The following TNFSF13B variants were observed in gnomAD, a reference collection of about 807,000 sequenced individuals.
The protein encoded by TNFSF13B is TNF superfamily member 13b, also known as tumor necrosis factor ligand superfamily member 13B.
TNFSF13B carries 8 observed loss-of-function variants against 29.1 expected under a neutral mutation model. The ratio of observed to expected loss-of-function variants is 0.27; its 90% CI spans 0.16 to 0.50. TNFSF13B has a LOEUF of 0.50. Ranked by LOEUF, TNFSF13B falls within the 20% of genes least tolerant of loss-of-function variation. The probability of loss-of-function intolerance (pLI) is 0.98; values close to 1 mark genes in which losing one functional copy is unlikely to be tolerated. For missense variants in TNFSF13B, 248 were observed against 334.9 expected (o/e 0.74, Z 2.03); for synonymous variants, 125 against 130.8 (o/e 0.96, Z 0.30).
At chr13:108,293,423 C>T (rs1881381871) in intron 3 of TNFSF13B, among the ~76,000 whole-genome samples, 1 of 152,086 alleles carries the variant, frequency 6.6e-6, no homozygotes, top group Admixed American at 6.6e-5. Context: ...TTTGCAATAA[C>T]AAATGAATTG....
intron 2 of TNFSF13B, among the ~76,000 whole-genome samples, chr13:108,279,925 C>T (rs1481263334): frequency 6.6e-6 from 1 of 152,056 alleles, no homozygotes; most frequent in Non-Finnish European, 1.5e-5. Flanking sequence ...TGTCACCTCC[C>T]AGAGAAGCCT....
At chr13:108,290,071 C>G (rs913230235) in intron 3 of TNFSF13B, among the ~76,000 whole-genome samples, 6 of 152,220 alleles carry the variant, frequency 3.9e-5, no homozygotes, top group Non-Finnish European at 8.8e-5. Context: ...TTAACACAAA[C>G]AAATGCAAAT....
chr13:108,298,131 A>G lies in TNFSF13B; in HGVS notation c.482-5122A>G, dbSNP rs1881506384. 1.4e-5 allele frequency among the ~76,000 whole-genome samples: 2 copies of G among 145,342 alleles called. 1 individual carries two copies. Among genetic ancestry groups the G allele is most frequent in the Admixed American group, 1.4e-4 (2 of 14,706 alleles). On this transcript the variant is annotated intron_variant, in intron 3 of 5. Transcript: ENST00000375887. ...TAGCAATTTAAGTTTCCTTCATGAT[A>G]TATCAGTGTAGGTTTATCAATTGTA... is the stretch of plus-strand genomic sequence containing the variant.
Position 108,307,549 on chromosome 13 carries a change from T to C in TNFSF13B, c.*611T>C, listed in dbSNP as rs903880416. 1 of 152,086 alleles carries C rather than the reference T, an allele frequency of 6.6e-6. No homozygotes were observed. Among genetic ancestry groups the C allele is most frequent in the East Asian group, 1.9e-4 (1 of 5,188 alleles). The allele number at this position is 152,086 out of a possible 1,614,324, so 9.4% of individuals were successfully genotyped here. A position where few individuals can be genotyped will look rare whatever the true frequency, so the allele number is the denominator to read the frequency against. On this transcript the variant is annotated 3_prime_UTR_variant, in exon 6 of 6. Coordinates refer to ENST00000375887, the MANE Select transcript of TNFSF13B (RefSeq NM_006573.5). ...ATATACTATTTAAGTCTTTTATGGT[T>C]ATTTCAAGTATACAATTTCTATCTG...
Position 108,270,099 on chromosome 13 carries a change from G to C in TNFSF13B, c.204G>C (p.Gln68His). The change falls in exon 1 of 6, where the codon CAG becomes CAC. Residue 68 changes from glutamine to histidine, a missense_variant. Gln to His is a conservative substitution (Grantham distance 24, BLOSUM62 0). Transcript: ENST00000375887. ...GCCTCACGGTGGTGTCTTTCTACCA[G>C]GTGGCCGCCCTGCAAGGGGACCTGG... ...SCCLTVVSFY[Q>H]VAALQGDLAS... is the part of the protein sequence containing the mutation. 1 of 1,603,880 alleles carries C rather than the reference G, an allele frequency of 6.2e-7. No individual in the cohort carries two copies. The highest frequency in any genetic ancestry group is 8.5e-7 in the Non-Finnish European group (1 of 1,179,940).
chr13:108,302,551 T>TA (rs1394965752), intron 3 of TNFSF13B, among the ~76,000 whole-genome samples: 3 of 152,104 alleles, frequency 2.0e-5, no homozygotes, highest in Non-Finnish European at 4.4e-5. Flanking sequence ...CCCATGTGCC[T>TA]ACTCACTGAT....
chr13:108,301,636 G>T (rs1309173609), intron 3 of TNFSF13B, among the ~76,000 whole-genome samples: 1 of 152,176 alleles, frequency 6.6e-6, no homozygotes, highest in East Asian at 1.9e-4. Context: ...ACCAGTGGCT[G>T]GGGTGGCGGG....
chr13:108,270,313 AAT>A, intron 1 of TNFSF13B, 25 bp from the exon 2 acceptor site: 1 of 1,614,050 alleles, frequency 6.2e-7, no homozygotes, highest in Non-Finnish European at 8.5e-7. Context: ...CTGTCTTTCT[AAT>A]AACTTGAAGT....
intron 3 of TNFSF13B, among the ~76,000 whole-genome samples, chr13:108,298,668 T>C (rs762729272): frequency 6.9e-6 from 1 of 145,458 alleles, no homozygotes; most frequent in Non-Finnish European, 1.5e-5. Context: ...CAACTTGCTT[T>C]GATTTTGATT....
rs1452298488 is a variant in TNFSF13B at position 108,303,613 on chromosome 13, T to G, written c.745+9T>G. On this transcript the variant is annotated intron_variant, in intron 5 of 5. Coordinates refer to ENST00000375887, the MANE Select transcript of TNFSF13B (RefSeq NM_006573.5). ...TTCCTGCTATTCAGCTGGTAAATAT[T>G]AGTTCTCACACCCTGCTAATTGTGA... The G allele has an allele frequency of 3.7e-6, 6 of 1,609,416 alleles. No individual in the cohort carries two copies. The highest frequency in any genetic ancestry group is 5.1e-6 in the Non-Finnish European group (6 of 1,178,302).
intron 2 of TNFSF13B, among the ~76,000 whole-genome samples, chr13:108,274,997 TTC>T (rs1880725451): frequency 6.6e-6 from 1 of 152,170 alleles, no homozygotes; most frequent in Non-Finnish European, 1.5e-5. Flanking sequence ...AGTTTTGTTT[TTC>T]TTAATTACTT....
rs193264826 is a variant in TNFSF13B at position 108,291,395 on chromosome 13, T to C, written c.481+4536T>C. Among the ~76,000 whole-genome samples the C allele has an allele frequency of 2.8e-3, 421 of 151,968 alleles. 4 individuals carry two copies. The highest frequency in any genetic ancestry group is 9.0e-3 in the African/African-American group (375 of 41,534). On this transcript the variant is annotated intron_variant, in intron 3 of 5. Transcript: ENST00000375887. The stretch of plus-strand genomic sequence containing the variant: ...ATATTTATATTTTTTTAGTCTCCTT[T>C]TTTTTCTTTTAGTATGTATTGAAAT...
intron 2 of TNFSF13B, among the ~76,000 whole-genome samples, chr13:108,275,562 G>A (rs1880740318): frequency 6.6e-6 from 1 of 151,960 alleles, no homozygotes; most frequent in South Asian, 2.1e-4. Context: ...TGTAAAGCAA[G>A]AATAGAAAAA....
chr13:108,298,816 C>G (rs888477970), intron 3 of TNFSF13B, among the ~76,000 whole-genome samples: 2 of 144,952 alleles, frequency 1.4e-5, no homozygotes, highest in Non-Finnish European at 3.1e-5. Context: ...ACTAAAAATA[C>G]AAAACTTAGC....
At chr13:108,304,527 T>C (rs192203665) in intron 5 of TNFSF13B, among the ~76,000 whole-genome samples, 87 of 152,304 alleles carry the variant, frequency 5.7e-4, no homozygotes, top group African/African-American at 1.9e-3. Context: ...TCCTTCATTT[T>C]ATTTTTCAAG....
At chr13:108,288,367 T>C (rs541081168) in intron 3 of TNFSF13B, among the ~76,000 whole-genome samples, 1 of 152,316 alleles carries the variant, frequency 6.6e-6, no homozygotes, top group African/African-American at 2.4e-5. Flanking sequence ...AGTTATGTCC[T>C]GATAAACCCA....
chr13:108,281,129 C>T lies in TNFSF13B; in HGVS notation c.425-5674C>T, dbSNP rs190061427. Reference sequence around the variant, plus strand: ...GGTGTGGTGGCACATGCCTGTAATCCCAGCTACTCAGAAGGCTGGGAGAAT... The same window carrying T: ...GGTGTGGTGGCACATGCCTGTAATCTCAGCTACTCAGAAGGCTGGGAGAAT... On this transcript the variant is annotated intron_variant, in intron 2 of 5. Coordinates refer to ENST00000375887, the MANE Select transcript of TNFSF13B (RefSeq NM_006573.5). 1.3e-3 allele frequency among the ~76,000 whole-genome samples: 196 copies of T among 152,080 alleles called. 1 individual carries two copies. The highest frequency in any genetic ancestry group is 2.3e-3 in the Non-Finnish European group (155 of 67,988).
intron 2 of TNFSF13B, among the ~76,000 whole-genome samples, chr13:108,278,158 T>C (rs1325380349): frequency 2.6e-5 from 4 of 152,226 alleles, no homozygotes; most frequent in Admixed American, 6.5e-5. Flanking sequence ...TGATAATGGC[T>C]GTACATGCTT....
intron 2 of TNFSF13B, among the ~76,000 whole-genome samples, chr13:108,280,064 G>A (rs867257605): frequency 2.9e-5 from 4 of 138,596 alleles, no homozygotes; most frequent in African/African-American, 5.5e-5. Context: ...CAGGGATGGC[G>A]TCTGCTTTTT....
Sources: gnomAD v4.1 joint callset for allele counts (sites outside exome capture counted in the v4.1 genomes callset) on GRCh38, gnomAD v4.1.1 for gene constraint, MANE v1.5 for transcripts, NCBI Gene and HGNC (gene_info 2026-07-23, HGNC 2026-07-21) for gene names.